Variants in REXO2 observed in about 807,000 individuals in gnomAD.
The protein encoded by REXO2 is oligoribonuclease, mitochondrial.
Under a neutral mutation model 30.9 loss-of-function variants are expected in REXO2, and 17 were observed. The observed-to-expected ratio is 0.55, with a 90% CI of 0.38 to 0.82. The LOEUF is 0.82. Among genes scored for constraint, REXO2 ranks in the 40% least tolerant of loss-of-function variants. REXO2 has a pLI of 0.00. For missense variants in REXO2, 253 were observed against 293.2 expected (o/e 0.86, Z 1.00); for synonymous variants, 105 against 99.6 (o/e 1.05, Z -0.32).
At chr11:114,447,917 A>G (rs774496214) in intron 6 of REXO2, 38 bp downstream of exon 6, 5 of 1,528,400 alleles carry the variant, frequency 3.3e-6, no homozygotes, top group Non-Finnish European at 3.6e-6. Flanking sequence ...CCAGTCTGAC[A>G]CACACTTAAC....
rs76877810 is a variant in REXO2 at position 114,447,844 on chromosome 11, A to G, written c.549A>G (p.Glu183=). ...TGTATAGACGCTGGTATCCAGAAGA[A>G]TATGAATTTGCACCAAAGAAGGCTG... ...KELCRRWYPE[E]YEFAPKKAAS... The change falls in exon 6 of 7, where the codon GAA becomes GAG. Residue 183 remains glutamate, a synonymous_variant. Coordinates refer to ENST00000265881, the MANE Select transcript of REXO2 (RefSeq NM_015523.4). The G allele has an allele frequency of 1.2e-6, 2 of 1,613,726 alleles. No individual in the cohort carries two copies. Among genetic ancestry groups the G allele is most frequent in the African/African-American group, 2.7e-5 (2 of 74,896 alleles).
chr11:114,439,803 C>A, intron 1 of REXO2, 128 bp downstream of exon 1: 3 of 1,195,850 alleles, frequency 2.5e-6, no homozygotes, highest in East Asian at 5.4e-5. Flanking sequence ...CGCGGCCGGC[C>A]ACGGGCGGTG....
intron 2 of REXO2, among the ~76,000 whole-genome samples, chr11:114,442,680 A>C (rs757392257): frequency 8.5e-5 from 13 of 152,156 alleles, no homozygotes; most frequent in Non-Finnish European, 1.6e-4. Context: ...TTATCCTGTT[A>C]ACATTTCTAT....
At chr11:114,447,967 C>CTT in intron 6 of REXO2, 88 bp downstream of exon 6, 1 of 989,590 alleles carries the variant, frequency 1.0e-6, no homozygotes, top group Non-Finnish European at 1.6e-6. Flanking sequence ...TCCCTTAACT[C>CTT]TTTTTTCTCG....
chr11:114,444,574 A>G lies in REXO2; in HGVS notation c.343A>G (p.Ile115Val). Residue 115 changes from isoleucine to valine, a missense_variant, in exon 4 of 7, where the codon ATT (isoleucine) becomes GTT (valine). Transcript: ENST00000265881. ...TACCAAGGCAGTGAAGGAGAGTACAATTACATTGCAGCAGGCAGAGTATGA... is the reference window on the plus strand; with the variant it reads ...TACCAAGGCAGTGAAGGAGAGTACAGTTACATTGCAGCAGGCAGAGTATGA... ...GLTKAVKEST[I>V]TLQQAEYEFL... 6.2e-7 allele frequency: 1 copy of G among 1,612,596 alleles called. No individual in the cohort carries two copies. Among genetic ancestry groups the G allele is most frequent in the Non-Finnish European group, 8.5e-7 (1 of 1,179,592 alleles).
At position 114,449,983 on chromosome 11, in the gene REXO2, T is replaced by A; in HGVS notation, c.*8T>A. 6.3e-7 allele frequency: 1 copy of A among 1,588,038 alleles called. No homozygotes were observed. The highest frequency in any genetic ancestry group is 8.6e-7 in the Non-Finnish European group (1 of 1,168,728). On this transcript the variant is annotated 3_prime_UTR_variant, in exon 7 of 7. Coordinates refer to ENST00000265881, the MANE Select transcript of REXO2 (RefSeq NM_015523.4). ...GAGAAGACCGTGAGTTGATGCCAGTTATCATGCTGCCACTACATCGTTATC... is the reference window on the plus strand; with the variant it reads ...GAGAAGACCGTGAGTTGATGCCAGTAATCATGCTGCCACTACATCGTTATC...
intron 2 of REXO2, among the ~76,000 whole-genome samples, chr11:114,443,098 C>T (rs1946489977): frequency 6.6e-6 from 1 of 151,208 alleles, no homozygotes; most frequent in Non-Finnish European, 1.5e-5. Flanking sequence ...TTGTTTTTTT[C>T]ACCTGCAATA....
At chr11:114,441,644 C>T in intron 2 of REXO2, 1 of 675,922 alleles carries the variant, frequency 1.5e-6, no homozygotes. Flanking sequence ...AAAAGAGAGT[C>T]TTGTTAAAAT....
Position 114,441,698 on chromosome 11 carries a change from C to T in REXO2, c.231+959C>T, listed in dbSNP as rs1273763062. On this transcript the variant is annotated intron_variant, in intron 2 of 6. Coordinates refer to ENST00000265881, the MANE Select transcript of REXO2 (RefSeq NM_015523.4). ...ATTGATATGTTACTGGCACTGGATA[C>T]ATTTCGTAAATCTGCAGTTAACACT... is the stretch of plus-strand genomic sequence containing the variant. The T allele has an allele frequency of 2.0e-5, 14 of 701,900 alleles. No individual in the cohort carries two copies. In the East Asian group the frequency reaches 3.8e-4, roughly 19 times the overall value. 43.5% of individuals were successfully genotyped at this position (701,900 alleles called of 1,614,324 possible). A position where few individuals can be genotyped will look rare whatever the true frequency, so the allele number is the denominator to read the frequency against.
At chr11:114,445,794 CT>C in intron 4 of REXO2, 184 bp from the exon 5 acceptor site, 1 of 544,832 alleles carries the variant, frequency 1.8e-6, no homozygotes, top group Non-Finnish European at 3.3e-6. Context: ...TGACTAAGTA[CT>C]TGGAAATCTG....
Position 114,449,909 on chromosome 11 carries a change from G to A in REXO2, c.648G>A (p.Lys216=), listed in dbSNP as rs746005128. The change falls in exon 7 of 7, where the codon AAG becomes AAA. Residue 216 remains lysine, a synonymous_variant. Transcript: ENST00000265881. ...AGTTTTACCGAAATAACATCTTCAA[G>A]AAAAAAATAGATGAAAAGAAGAGGA... is the stretch of plus-strand genomic sequence containing the variant. ...ELQFYRNNIF[K]KKIDEKKRKI... is the part of the protein sequence containing the mutation. 1.6e-5 allele frequency: 26 copies of A among 1,608,214 alleles called. No individual in the cohort carries two copies. Among genetic ancestry groups the A allele is most frequent in the Non-Finnish European group, 2.0e-5 (23 of 1,177,360 alleles).
rs886664007 is a variant in REXO2 at position 114,439,853 on chromosome 11, C to T, written c.147+178C>T. On this transcript the variant is annotated intron_variant, in intron 1 of 6. Transcript: ENST00000265881. Reference sequence around the variant, plus strand: ...AGGCAGGAGTCCTGCGGGTGTTGGGCGCCGTGCTGCGCTGTAGGGCTTCTT... The same window carrying T: ...AGGCAGGAGTCCTGCGGGTGTTGGGTGCCGTGCTGCGCTGTAGGGCTTCTT... The T allele has an allele frequency of 1.3e-5, 9 of 681,504 alleles. 1 individual carries two copies. The highest frequency in any genetic ancestry group is 1.0e-4 in the South Asian group (5 of 49,610). The allele number at this position is 681,504 out of a possible 1,614,324, so 42.2% of individuals were successfully genotyped here.
intron 1 of REXO2, among the ~76,000 whole-genome samples, 198 bp from the exon 2 acceptor site, chr11:114,440,458 C>G (rs1238764667): frequency 6.6e-6 from 1 of 152,056 alleles, no homozygotes; most frequent in Non-Finnish European, 1.5e-5. Context: ...AATAGCAGGC[C>G]CTTGGTAAAT....
intron 6 of REXO2, 151 bp from the exon 7 acceptor site, chr11:114,449,695 T>C (rs1278613069): frequency 3.6e-5 from 24 of 664,392 alleles, no homozygotes; most frequent in Non-Finnish European, 5.5e-5. Flanking sequence ...AAAATTGCTT[T>C]TCTGAAATGT....
At position 114,449,997 on chromosome 11, in the gene REXO2, T is replaced by G. The variant is rs1012382539; in HGVS notation, c.*22T>G. 4 of 1,571,800 alleles carry G rather than the reference T, an allele frequency of 2.5e-6. No individual in the cohort carries two copies. Among genetic ancestry groups the G allele is most frequent in the Non-Finnish European group, 3.4e-6 (4 of 1,161,752 alleles). On this transcript the variant is annotated 3_prime_UTR_variant, in exon 7 of 7. Transcript: ENST00000265881. ...TTGATGCCAGTTATCATGCTGCCAC[T>G]ACATCGTTATCTGGAGGCAACTTCT... is the stretch of plus-strand genomic sequence containing the variant.
chr11:114,444,591 A>C lies in REXO2; in HGVS notation c.360A>C (p.Ala120=). 6.2e-7 allele frequency: 1 copy of C among 1,612,290 alleles called. No homozygotes were observed. The highest frequency in any genetic ancestry group is 8.5e-7 in the Non-Finnish European group (1 of 1,179,448). Residue 120 remains alanine (A), a synonymous_variant, in exon 4 of 7, where the codon GCA becomes GCC. Transcript: ENST00000265881. ...AGAGTACAATTACATTGCAGCAGGCAGAGTATGAATTTCTGTCCTTTGTAC... is the reference window on the plus strand; with the variant it reads ...AGAGTACAATTACATTGCAGCAGGCCGAGTATGAATTTCTGTCCTTTGTAC... ...VKESTITLQQ[A]EYEFLSFVRQ... is the part of the protein sequence containing the mutation.
Position 114,449,862 on chromosome 11 carries a change from A to C in REXO2, c.601A>C (p.Ser201Arg). The change falls in exon 7 of 7, where the codon AGT becomes CGT. Residue 201 changes from serine to arginine, a missense_variant. By Grantham distance (110) the Ser-to-Arg change is moderately radical. Transcript: ENST00000265881. ...AASHRALDDISESIKELQFYR... is the reference protein window; with the variant it reads ...AASHRALDDIRESIKELQFYR... ...TGCTTATAGGGCACTTGATGACATT[A>C]GTGAAAGCATCAAAGAGCTTCAGTT... 6.2e-7 allele frequency: 1 copy of C among 1,610,192 alleles called. No individual in the cohort carries two copies. Among genetic ancestry groups the C allele is most frequent in the Non-Finnish European group, 8.5e-7 (1 of 1,178,038 alleles).
chr11:114,447,633 C>T (rs900966616), intron 5 of REXO2, among the ~76,000 whole-genome samples, 193 bp from the exon 6 acceptor site: 2 of 151,884 alleles, frequency 1.3e-5, no homozygotes, highest in African/African-American at 4.8e-5. Flanking sequence ...ATCTTACACA[C>T]TGATGAGCTT....
chr11:114,449,262 A>G (rs1043120353), intron 6 of REXO2: 8 of 152,220 alleles, frequency 5.3e-5, no homozygotes, highest in African/African-American at 1.4e-4. Flanking sequence ...ATTGATGTTT[A>G]TTATGATGAC....
Sources: gnomAD v4.1 joint callset for allele counts (sites outside exome capture counted in the v4.1 genomes callset) on GRCh38, gnomAD v4.1.1 for gene constraint, MANE v1.5 for transcripts, NCBI Gene and HGNC (gene_info 2026-07-23, HGNC 2026-07-21) for gene names.